The following SLC13A3 variants were observed in gnomAD, a reference collection of about 807,000 sequenced individuals.
The protein encoded by SLC13A3 is solute carrier family 13 member 3.
SLC13A3 carries 40 observed loss-of-function variants against 59.0 expected under a neutral mutation model. The ratio of observed to expected loss-of-function variants is 0.68; its 90% confidence interval spans 0.53 to 0.88. The LOEUF (loss-of-function observed/expected upper bound fraction) is 0.88. Among genes scored for constraint, SLC13A3 ranks in the 40% least tolerant of loss-of-function variants. The probability of loss-of-function intolerance (pLI) is 0.00; values close to 1 mark genes in which losing one functional copy is unlikely to be tolerated. For synonymous variants in SLC13A3, 317 were observed against 330.3 expected, an observed-to-expected ratio of 0.96 and a Z score of 0.44; for missense variants, 699 against 783.2, an observed-to-expected ratio of 0.89 and a Z score of 1.28.
At chr20:46,644,800 C>G (rs2062878056) in intron 1 of SLC13A3, among the ~76,000 whole-genome samples, 1 of 152,058 alleles carries the variant, frequency 6.6e-6, no homozygotes, top group South Asian at 2.1e-4. Context: ...ATGATGGGAC[C>G]CATCTGGGAA....
chr20:46,592,299 C>T, intron 6 of SLC13A3, 105 bp downstream of exon 6: 1 of 1,382,510 alleles, frequency 7.2e-7, no homozygotes, highest in Non-Finnish European at 1.0e-6. Flanking sequence ...AATGAGAATA[C>T]AACATGAAAT....
intron 2 of SLC13A3, among the ~76,000 whole-genome samples, chr20:46,612,072 T>C (rs4810534): frequency 9.3e-4 from 92 of 98,518 alleles, no homozygotes; most frequent in African/African-American, 3.4e-3. Flanking sequence ...CTCTTTCTTT[T>C]TTTTCTTTCT....
chr20:46,668,910 G>C (rs188213954), intron 1 of SLC13A3, among the ~76,000 whole-genome samples: 2 of 152,216 alleles, frequency 1.3e-5, no homozygotes. Flanking sequence ...TAAGCCTATT[G>C]TTGAGATATA....
chr20:46,641,296 C>T (rs2122854478), intron 1 of SLC13A3, among the ~76,000 whole-genome samples: 1 of 152,248 alleles, frequency 6.6e-6, no homozygotes, highest in East Asian at 1.9e-4. Flanking sequence ...TTTCACTGAG[C>T]ACCTACTATG....
chr20:46,563,344 A>AG, intron 12 of SLC13A3, 70 bp downstream of exon 12: 1 of 1,559,954 alleles, frequency 6.4e-7, no homozygotes, highest in Non-Finnish European at 8.7e-7. Flanking sequence ...AGTCCTGCAT[A>AG]GAGGCCTTGC....
chr20:46,566,549 C>T (rs886177961), intron 10 of SLC13A3, 159 bp from the exon 11 acceptor site: 5 of 705,882 alleles, frequency 7.1e-6, no homozygotes, highest in African/African-American at 1.8e-5. Flanking sequence ...GTCACACATT[C>T]GAGCCAAGGT....
chr20:46,574,159 G>A (rs1033879858), intron 10 of SLC13A3, among the ~76,000 whole-genome samples: 6 of 152,130 alleles, frequency 3.9e-5, no homozygotes, highest in East Asian at 3.9e-4. Context: ...TATAAAGATC[G>A]ACTGAGTCAT....
intron 5 of SLC13A3, among the ~76,000 whole-genome samples, 198 bp from the exon 6 acceptor site, chr20:46,592,727 C>T (rs900624595): frequency 6.6e-6 from 1 of 152,130 alleles, no homozygotes. Flanking sequence ...TGGCTTCTGA[C>T]CTAGTGGGAC....
chr20:46,608,871 C>T, intron 3 of SLC13A3: 3 of 1,547,548 alleles, frequency 1.9e-6, no homozygotes, highest in African/African-American at 1.4e-5. Flanking sequence ...GATGTGGCTC[C>T]TGTCTTTGGG....
chr20:46,655,890 TAATA>T (rs1453475481), upstream of SLC13A3, among the ~76,000 whole-genome samples: 5 of 139,228 alleles, frequency 3.6e-5, no homozygotes, highest in African/African-American at 8.0e-5. Context: ...ATACTGTATA[TAATA>T]TATATACTGT....
At chr20:46,633,516 G>C (rs1182155238) in intron 1 of SLC13A3, among the ~76,000 whole-genome samples, 2 of 152,214 alleles carry the variant, frequency 1.3e-5, no homozygotes, top group African/African-American at 2.4e-5. Flanking sequence ...TCAAAAGGCA[G>C]GTGGACATGG....
chr20:46,658,674 T>C (rs1282972933), intron 1 of SLC13A3, among the ~76,000 whole-genome samples: 7 of 152,220 alleles, frequency 4.6e-5, no homozygotes, highest in Admixed American at 4.6e-4. Flanking sequence ...AATTGTTTTT[T>C]AAAAGTGATT....
chr20:46,676,411 C>CTTTT (rs543970617), intron 1 of SLC13A3, among the ~76,000 whole-genome samples: 4 of 108,512 alleles, frequency 3.7e-5, no homozygotes, highest in Non-Finnish European at 5.5e-5. Flanking sequence ...TCTCTCAACT[C>CTTTT]TTTTTTTTTT....
At chr20:46,629,897 C>A (rs2062720666) in intron 1 of SLC13A3, among the ~76,000 whole-genome samples, 2 of 152,200 alleles carry the variant, frequency 1.3e-5, no homozygotes. Context: ...TTCTGTTTTT[C>A]TCCTTTCTAT....
chr20:46,644,029 C>A (rs1020890854), intron 1 of SLC13A3, among the ~76,000 whole-genome samples: 1 of 152,082 alleles, frequency 6.6e-6, no homozygotes, highest in African/African-American at 2.4e-5. Context: ...CAGAGGAAGA[C>A]CCTGTCTCAA....
intron 1 of SLC13A3, among the ~76,000 whole-genome samples, chr20:46,632,455 C>T (rs1475796178): frequency 1.2e-5 from 1 of 86,708 alleles, no homozygotes; most frequent in African/African-American, 4.2e-5. Context: ...GAAGGCCAGC[C>T]CCCAAGGGGG....
chr20:46,613,814 G>A, intron 1 of SLC13A3, 89 bp from the exon 2 acceptor site: 1 of 1,214,566 alleles, frequency 8.2e-7, no homozygotes, highest in Non-Finnish European at 1.1e-6. Flanking sequence ...GGGGGAAGGA[G>A]GCCTGGGCTG....
At chr20:46,655,932 A>G (rs2062984776), upstream of SLC13A3, among the ~76,000 whole-genome samples, 3 of 142,426 alleles carry the variant, frequency 2.1e-5, 1 homozygote, top group Non-Finnish European at 4.5e-5. Flanking sequence ...CGTATATAAT[A>G]TACTACAGTA....
In SLC13A3 at chr20:46,585,971, C is replaced by T. The variant is rs146739241; in HGVS notation, c.1121+2088G>A. 6.0e-3 allele frequency among the ~76,000 whole-genome samples: 920 copies of T among 152,118 alleles called. 8 individuals are homozygous for T. Among genetic ancestry groups the T allele is most frequent in the African/African-American group, 0.022 (895 of 41,490 alleles). ...CACAAGCCACATGTGGGCTAGTGGG[C>T]ACTTGAAATGTGGCAAGACCAAACT... On this transcript the variant is annotated intron_variant, in intron 8 of 12. Coordinates refer to ENST00000279027, the MANE Select transcript of SLC13A3 (RefSeq NM_022829.6).
Sources: gnomAD v4.1 joint callset for allele counts (sites outside exome capture counted in the v4.1 genomes callset) on GRCh38, gnomAD v4.1.1 for gene constraint, MANE v1.5 for transcripts, NCBI Gene and HGNC (gene_info 2026-07-23, HGNC 2026-07-21) for gene names.